KPNA3: variants seen among roughly 807,000 people sequenced by gnomAD.
KPNA3 encodes importin subunit alpha-4.
A neutral mutation model predicts 73.8 loss-of-function variants in KPNA3; 13 were observed. The observed-to-expected ratio is 0.18, with a 90% CI of 0.11 to 0.28. KPNA3 has a LOEUF of 0.28. Ranked by LOEUF, KPNA3 falls within the 10% of genes least tolerant of loss-of-function variation. The pLI, the probability that KPNA3 is intolerant of heterozygous loss-of-function variation, is 1.00. For synonymous variants in KPNA3, 186 were observed against 206.9 expected, an observed-to-expected ratio of 0.90 and a Z score of 0.87; for missense variants, 360 against 618.1, an observed-to-expected ratio of 0.58 and a Z score of 4.43.
chr13:49,788,618 C>T (rs1253781428), intron 1 of KPNA3, among the ~76,000 whole-genome samples: 1 of 151,516 alleles, frequency 6.6e-6, no homozygotes, highest in African/African-American at 2.4e-5. Context: ...ACTCAAGAGG[C>T]TGAGATGGAA....
chr13:49,785,697 T>C (rs978892146), intron 1 of KPNA3, among the ~76,000 whole-genome samples: 1 of 151,760 alleles, frequency 6.6e-6, no homozygotes, highest in Admixed American at 6.6e-5. Flanking sequence ...CAAAGCTGAC[T>C]GAAAAAGAGT....
intron 1 of KPNA3, among the ~76,000 whole-genome samples, chr13:49,765,615 C>T (rs973391916): frequency 2.6e-5 from 4 of 152,178 alleles, no homozygotes; most frequent in African/African-American, 9.7e-5. Flanking sequence ...GGGTTACAGG[C>T]ATGAGCCACC....
At chr13:49,786,289 T>C (rs1321522604) in intron 1 of KPNA3, among the ~76,000 whole-genome samples, 4 of 152,182 alleles carry the variant, frequency 2.6e-5, no homozygotes, top group Non-Finnish European at 5.9e-5. Context: ...ACATCCAAGG[T>C]ATCTATTCTC....
rs144601434 is a variant in KPNA3 at position 49,765,437 on chromosome 13, A to G, written c.70-18444T>C. Among the ~76,000 whole-genome samples, 452 of 152,304 alleles carry G rather than the reference A, an allele frequency of 3.0e-3. 3 individuals carry two copies. The highest frequency in any genetic ancestry group is 4.8e-3 in the Non-Finnish European group (327 of 68,014). ...TAATTCACTTACCAACAATTCACCT[A>G]AAGTATACATACAATTCAATGGTTT... On this transcript the variant is annotated intron_variant, in intron 1 of 16. Transcript: ENST00000261667.
intron 1 of KPNA3, among the ~76,000 whole-genome samples, chr13:49,752,020 C>T (rs1954667309): frequency 6.6e-6 from 1 of 152,108 alleles, no homozygotes; most frequent in Non-Finnish European, 1.5e-5. Context: ...TGCATATATG[C>T]AGAAGAAAAT....
rs1436706898 is a variant in KPNA3, at chr13:49,732,655, A to T, written c.237T>A (p.Asn79Lys). The change falls in exon 5 of 17, where the codon AAT (asparagine) becomes AAA (lysine). Residue 79 changes from asparagine (N) to lysine (K), a missense_variant and splice_region_variant. Asn to Lys is a moderately conservative substitution (Grantham distance 94, BLOSUM62 0). Coordinates refer to ENST00000261667, the MANE Select transcript of KPNA3 (RefSeq NM_002267.4). Reference sequence around the variant, plus strand: ...GGACCACTGGGTTATCACTTGTGGCATTCTGCAATACCAAATGTAAATTTC... The same window carrying T: ...GGACCACTGGGTTATCACTTGTGGCTTTCTGCAATACCAAATGTAAATTTC... ...QNVTLEAILQ[N>K]ATSDNPVVQL... 1 of 1,609,176 alleles carries T rather than the reference A, an allele frequency of 6.2e-7. No homozygotes were observed. The highest frequency in any genetic ancestry group is 8.5e-7 in the Non-Finnish European group (1 of 1,177,360).
At chr13:49,789,813 A>T (rs545868937) in intron 1 of KPNA3, among the ~76,000 whole-genome samples, 2 of 152,176 alleles carry the variant, frequency 1.3e-5, no homozygotes, top group South Asian at 4.2e-4. Flanking sequence ...TCTAGTCTGG[A>T]ATGCCCCTTT....
rs561929144 is a variant in KPNA3, at chr13:49,713,151, G to A, written c.772-2129C>T. 5.3e-4 allele frequency among the ~76,000 whole-genome samples: 80 copies of A among 151,982 alleles called. No individual in the cohort carries two copies. The South Asian group carries it at 0.016, about 30-fold the overall frequency. On this transcript the variant is annotated intron_variant, in intron 10 of 16. Coordinates refer to ENST00000261667, the MANE Select transcript of KPNA3 (RefSeq NM_002267.4). ...TGAGGTTGTAACCCTGTTAAAAGAC[G>A]ACCAGTAGAATTTAATCTAAAAAGA...
At chr13:49,761,239 C>T (rs538777920) in intron 1 of KPNA3, among the ~76,000 whole-genome samples, 8 of 151,992 alleles carry the variant, frequency 5.3e-5, no homozygotes, top group Admixed American at 1.3e-4. Context: ...CCCTCTCCCT[C>T]TCCCCACAGT....
chr13:49,775,243 TA>T (rs1417433090), intron 1 of KPNA3, among the ~76,000 whole-genome samples: 1 of 147,654 alleles, frequency 6.8e-6, no homozygotes, highest in African/African-American at 2.5e-5. Context: ...AGCAATATAC[TA>T]AAGAATTTAT....
At chr13:49,719,301 A>G (rs1954333234) in intron 10 of KPNA3, among the ~76,000 whole-genome samples, 1 of 152,118 alleles carries the variant, frequency 6.6e-6, no homozygotes, top group Non-Finnish European at 1.5e-5. Context: ...AGTACCCAAG[A>G]CCTGTTATGA....
intron 2 of KPNA3, among the ~76,000 whole-genome samples, chr13:49,734,936 T>TAGAGAGAG (rs1270805373): frequency 6.9e-6 from 1 of 144,916 alleles, no homozygotes; most frequent in African/African-American, 2.6e-5. Context: ...TATATATATA[T>TAGAGAGAG]ATAGAGAGAG....
rs577441796 is a variant in KPNA3, at chr13:49,742,797, C to A, written c.114+4152G>T. 2.6e-5 allele frequency among the ~76,000 whole-genome samples: 4 copies of A among 152,186 alleles called. No homozygotes were observed. In the South Asian group the frequency reaches 8.3e-4, roughly 32 times the overall value. On this transcript the variant is annotated intron_variant, in intron 2 of 16. Coordinates refer to ENST00000261667, the MANE Select transcript of KPNA3 (RefSeq NM_002267.4). ...AAGACTCTCTTGAAGGAAGCAGTGCCTTCTTTTACATTTTGGCACAAGCTC... is the reference window on the plus strand; with the variant it reads ...AAGACTCTCTTGAAGGAAGCAGTGCATTCTTTTACATTTTGGCACAAGCTC...
At chr13:49,786,225 T>C (rs866309951) in intron 1 of KPNA3, among the ~76,000 whole-genome samples, 4 of 152,294 alleles carry the variant, frequency 2.6e-5, no homozygotes, top group Middle Eastern at 6.8e-3. Context: ...AATGTAGACT[T>C]TTTTCAGGTA....
chr13:49,759,188 G>A (rs909395327), intron 1 of KPNA3, among the ~76,000 whole-genome samples: 33 of 152,130 alleles, frequency 2.2e-4, no homozygotes, highest in African/African-American at 7.0e-4. Flanking sequence ...TGTCATCACT[G>A]AAGGATGATA....
chr13:49,709,833 A>G, intron 11 of KPNA3, 133 bp from the exon 12 acceptor site: 1 of 672,142 alleles, frequency 1.5e-6, no homozygotes, highest in Non-Finnish European at 2.3e-6. Context: ...CAAAGCACCA[A>G]GCAGTCTGAG....
chr13:49,790,298 C>T (rs1338274994), intron 1 of KPNA3, among the ~76,000 whole-genome samples: 1 of 152,150 alleles, frequency 6.6e-6, no homozygotes, highest in East Asian at 1.9e-4. Flanking sequence ...GAGACCCCGT[C>T]TCTAAAAAAG....
chr13:49,730,519 CAAAAAAAAAAAAAAAAAAA>C (rs55725741), intron 6 of KPNA3, among the ~76,000 whole-genome samples: 31 of 27,280 alleles, frequency 1.1e-3, no homozygotes, highest in African/African-American at 1.5e-3. Flanking sequence ...GACTCTGTCT[CAAAAAAAAAAAAAAAAAAA>C]AAAAAAAAAA....
At position 49,699,449 on chromosome 13, in the gene KPNA3, A is replaced by G. The variant is rs937609667; in HGVS notation, c.*2351T>C. ...CTTTTTAAACTGAGTTTAAAAAAAA[A>G]TAACAATGCAATTTTTAAACACTGT... On this transcript the variant is annotated 3_prime_UTR_variant, in exon 17 of 17. Transcript: ENST00000261667. 6.6e-6 allele frequency: 1 copy of G among 152,636 alleles called. No homozygotes were observed. The highest frequency in any genetic ancestry group is 1.5e-5 in the Non-Finnish European group (1 of 68,036). The allele number at this position is 152,636 out of a possible 1,614,324, so 9.5% of individuals were successfully genotyped here.
Sources: gnomAD v4.1 joint callset for allele counts (sites outside exome capture counted in the v4.1 genomes callset) on GRCh38, gnomAD v4.1.1 for gene constraint, MANE v1.5 for transcripts, NCBI Gene and HGNC (gene_info 2026-07-23, HGNC 2026-07-21) for gene names.